The following CYTH3 variants were observed in gnomAD, a reference collection of about 807,000 sequenced individuals.
The protein encoded by CYTH3 is cytohesin 3.
In CYTH3, 23 loss-of-function variants were observed where a neutral mutation model predicts 55.1. The ratio of observed to expected loss-of-function variants is 0.42; its 90% confidence interval spans 0.30 to 0.59. The LOEUF is 0.59. Ranked by LOEUF, CYTH3 falls within the 20% of genes least tolerant of loss-of-function variation. The pLI, the probability that CYTH3 is intolerant of heterozygous loss-of-function variation, is 0.20. For synonymous variants in CYTH3, 249 were observed against 194.9 expected (o/e 1.28, Z -2.31); for missense variants, 413 against 524.8 (o/e 0.79, Z 2.08).
At chr7:6,180,849 GATTTT>G (rs1022875510) in intron 4 of CYTH3, among the ~76,000 whole-genome samples, 10 of 152,100 alleles carry the variant, frequency 6.6e-5, no homozygotes, top group South Asian at 2.1e-4. Context: ...TCCAAAGCTG[GATTTT>G]ATTTTATATT....
intron 1 of CYTH3, among the ~76,000 whole-genome samples, chr7:6,223,280 G>A (rs1779133044): frequency 6.6e-6 from 1 of 152,166 alleles, no homozygotes. Context: ...TCTGGGAAGT[G>A]AGGAGCGCCT....
chr7:6,255,758 G>GTTT lies in CYTH3; in HGVS notation c.34+16713_34+16715dup, dbSNP rs397889923. Among the ~76,000 whole-genome samples the GTTT allele has an allele frequency of 4.4e-3, 392 of 89,410 alleles. 4 individuals carry two copies. The highest frequency in any genetic ancestry group is 0.025 in the Middle Eastern group (3 of 120). 58.7% of individuals were successfully genotyped at this position (89,410 alleles called of 152,430 possible). On this transcript the variant is annotated intron_variant, in intron 1 of 12. Coordinates refer to ENST00000350796, the MANE Select transcript of CYTH3 (RefSeq NM_004227.4). The stretch of plus-strand genomic sequence containing the variant: ...ACTACCCAAGTTTGACCTTTAATCT[G>GTTT]TTTTTTTTTTTTTTTTTTTTTTTGA...
chr7:6,166,856 G>A (rs1309485578), intron 9 of CYTH3, among the ~76,000 whole-genome samples: 1 of 152,134 alleles, frequency 6.6e-6, no homozygotes, highest in Admixed American at 6.5e-5. Context: ...TGGAACAGGA[G>A]CCCAGCCTCC....
At chr7:6,229,916 C>T (rs1779347175) in intron 1 of CYTH3, among the ~76,000 whole-genome samples, 1 of 151,948 alleles carries the variant, frequency 6.6e-6, no homozygotes, top group African/African-American at 2.4e-5. Context: ...TGAGTGATAG[C>T]TTGAGGTCTG....
At chr7:6,218,551 C>A (rs552262174) in intron 1 of CYTH3, among the ~76,000 whole-genome samples, 1 of 152,130 alleles carries the variant, frequency 6.6e-6, no homozygotes, top group Non-Finnish European at 1.5e-5. Context: ...ATTACAACAG[C>A]CTCGGGAAAC....
intron 6 of CYTH3, chr7:6,172,132 G>T (rs529399163): frequency 6.6e-6 from 1 of 152,546 alleles, no homozygotes; most frequent in African/African-American, 2.4e-5. Flanking sequence ...GACCGAGTTA[G>T]ACCTTGAGGC....
intron 1 of CYTH3, among the ~76,000 whole-genome samples, chr7:6,202,451 T>A (rs1784077133): frequency 6.7e-6 from 1 of 150,282 alleles, no homozygotes; most frequent in South Asian, 2.1e-4. Context: ...CAACAGGCCA[T>A]TGCTAGTTTT....
At chr7:6,178,700 T>C (rs187325123) in intron 4 of CYTH3, among the ~76,000 whole-genome samples, 1 of 152,318 alleles carries the variant, frequency 6.6e-6, no homozygotes, top group African/African-American at 2.4e-5. Flanking sequence ...ATACATTTTG[T>C]TGGATTTTCT....
intron 1 of CYTH3, among the ~76,000 whole-genome samples, chr7:6,260,701 A>G (rs531917520): frequency 6.6e-6 from 1 of 152,264 alleles, no homozygotes; most frequent in African/African-American, 2.4e-5. Context: ...GCAATGCCAC[A>G]CAATCTTCAA....
intron 1 of CYTH3, 133 bp downstream of exon 1, chr7:6,272,341 A>C: frequency 1.3e-6 from 1 of 782,786 alleles, no homozygotes; most frequent in Non-Finnish European, 1.6e-6. Context: ...TCAGGCCTCC[A>C]GCGGACGCCG....
intron 1 of CYTH3, among the ~76,000 whole-genome samples, chr7:6,237,239 G>C (rs1044798478): frequency 4.6e-5 from 7 of 152,208 alleles, no homozygotes; most frequent in African/African-American, 1.7e-4. Flanking sequence ...AGGTACAAGT[G>C]CAACAACACT....
intron 1 of CYTH3, among the ~76,000 whole-genome samples, chr7:6,236,364 C>CTTT (rs34013002): frequency 8.2e-6 from 1 of 122,314 alleles, no homozygotes; most frequent in Non-Finnish European, 1.7e-5. Context: ...CTACGCCTGA[C>CTTT]TTTTTTTTTT....
rs534583654 is a variant in CYTH3 at position 6,174,536 on chromosome 7, T to A, written c.369-803A>T. Reference sequence around the variant, plus strand: ...ATGGGTGTGAAATGGTATCTCCTTGTGGGTTTTTTTTTTTTTTTTTTTTTT... The same window carrying A: ...ATGGGTGTGAAATGGTATCTCCTTGAGGGTTTTTTTTTTTTTTTTTTTTTT... On this transcript the variant is annotated intron_variant, in intron 5 of 12. Coordinates refer to ENST00000350796, the MANE Select transcript of CYTH3 (RefSeq NM_004227.4). Among the ~76,000 whole-genome samples the A allele has an allele frequency of 2.8e-5, 4 of 140,922 alleles. No individual in the cohort carries two copies. The East Asian group carries it at 6.0e-4, about 21-fold the overall frequency. The allele number at this position is 140,922 out of a possible 152,430, so 92.5% of individuals were successfully genotyped here. A position where few individuals can be genotyped will look rare whatever the true frequency, so the allele number is the denominator to read the frequency against.
At chr7:6,253,488 C>T (rs1403408905) in intron 1 of CYTH3, among the ~76,000 whole-genome samples, 1 of 151,992 alleles carries the variant, frequency 6.6e-6, no homozygotes, top group East Asian at 1.9e-4. Context: ...AAATTACCAG[C>T]CTGATCCATC....
intron 1 of CYTH3, among the ~76,000 whole-genome samples, chr7:6,253,216 A>ATT (rs35516602): frequency 7.9e-4 from 110 of 139,436 alleles, no homozygotes; most frequent in South Asian, 6.3e-3. Context: ...CACGAAAACA[A>ATT]TTTTTTTTTT....
chr7:6,197,213 T>C (rs903435643), intron 1 of CYTH3, among the ~76,000 whole-genome samples: 4 of 152,224 alleles, frequency 2.6e-5, no homozygotes, highest in Admixed American at 6.5e-5. Flanking sequence ...GAATAAGCAC[T>C]AGCCGTTTAC....
At chr7:6,197,428 A>G (rs1213970935) in intron 1 of CYTH3, among the ~76,000 whole-genome samples, 1 of 152,232 alleles carries the variant, frequency 6.6e-6, no homozygotes, top group Non-Finnish European at 1.5e-5. Flanking sequence ...CACACCTGTA[A>G]TCTCAGCACT....
chr7:6,266,857 G>A (rs1234584048), intron 1 of CYTH3, among the ~76,000 whole-genome samples: 1 of 152,156 alleles, frequency 6.6e-6, no homozygotes, highest in Non-Finnish European at 1.5e-5. Context: ...TGAGCTCCAT[G>A]AACGTGGGAA....
chr7:6,174,485 G>A (rs962889250), intron 5 of CYTH3, among the ~76,000 whole-genome samples: 9 of 147,726 alleles, frequency 6.1e-5, no homozygotes, highest in Non-Finnish European at 1.0e-4. Context: ...CATTTGTTAT[G>A]TGTCTTTTTT....
Sources: allele counts gnomAD v4.1 joint callset (sites outside exome capture counted in the v4.1 genomes callset), GRCh38; gene constraint gnomAD v4.1.1; transcripts MANE v1.5; gene names NCBI Gene and HGNC (gene_info 2026-07-23, HGNC 2026-07-21).